FGD5: variants seen among roughly 807,000 people sequenced by gnomAD.
The protein encoded by FGD5 is FYVE, RhoGEF and PH domain containing 5, also known as FYVE, RhoGEF and PH domain-containing protein 5.
FGD5 carries 28 observed loss-of-function variants against 133.4 expected under a neutral mutation model. The ratio of observed to expected loss-of-function variants is 0.21; its 90% CI spans 0.16 to 0.29. The LOEUF (loss-of-function observed/expected upper bound fraction) is 0.29, where lower values mean the gene tolerates loss of function less well. FGD5 is among the 10% of genes least tolerant of loss of function. The probability of loss-of-function intolerance (pLI) is 1.00; values close to 1 mark genes in which losing one functional copy is unlikely to be tolerated. For missense variants in FGD5, 1,858 were observed against 1,895.2 expected (o/e 0.98, Z 0.36); for synonymous variants, 810 against 776.5 (o/e 1.04, Z -0.72).
intron 1 of FGD5, among the ~76,000 whole-genome samples, chr3:14,859,744 G>C (rs1033973874): frequency 2.6e-5 from 4 of 152,128 alleles, no homozygotes; most frequent in African/African-American, 9.7e-5. Context: ...TTGATCAACA[G>C]TAAAAGCACA....
At chr3:14,874,474 CAG>C (rs755487588) in intron 2 of FGD5, among the ~76,000 whole-genome samples, 38 of 152,262 alleles carry the variant, frequency 2.5e-4, no homozygotes, top group Admixed American at 9.2e-4. Flanking sequence ...GCCTGGGTGA[CAG>C]AATGAGATCC....
chr3:14,932,081 C>T (rs2038908316), intron 18 of FGD5: 2 of 152,430 alleles, frequency 1.3e-5, no homozygotes, highest in African/African-American at 4.8e-5. Context: ...ACATACGTCA[C>T]ATATGTTGAG....
Position 14,898,745 on chromosome 3 carries a change from G to A in FGD5, c.3073G>A (p.Val1025Ile), listed in dbSNP as rs928223851. 1 of 1,581,844 alleles carries A rather than the reference G, an allele frequency of 6.3e-7. No homozygotes were observed. Among genetic ancestry groups the A allele is most frequent in the Non-Finnish European group, 8.6e-7 (1 of 1,164,338 alleles). The part of the protein sequence containing the change: ...AAAVREFEQS[V>I]QGGSQTAKHR... ...TTCCCTGTCTTGAGAGCAGCAGAGTGTACAAGGAGGCAGCCAGACTGCGAA... is the reference window on the plus strand; with the variant it reads ...TTCCCTGTCTTGAGAGCAGCAGAGTATACAAGGAGGCAGCCAGACTGCGAA... Residue 1025 changes from valine to isoleucine, a missense_variant, in exon 7 of 20, where the codon GTA becomes ATA. Physicochemically the swap from Val to Ile is conservative, Grantham distance 29. Coordinates refer to ENST00000285046, the MANE Select transcript of FGD5 (RefSeq NM_152536.4).
intron 4 of FGD5, among the ~76,000 whole-genome samples, chr3:14,890,979 A>C (rs1024120466): frequency 6.6e-6 from 1 of 152,224 alleles, no homozygotes; most frequent in Non-Finnish European, 1.5e-5. Flanking sequence ...CAGCTTGCCC[A>C]GTCGTCCAAT....
At position 14,898,753 on chromosome 3, in the gene FGD5, A is replaced by G; in HGVS notation, c.3081A>G (p.Gly1027=). The G allele has an allele frequency of 6.3e-7, 1 of 1,584,604 alleles. No homozygotes were observed. The highest frequency in any genetic ancestry group is 2.3e-5 in the East Asian group (1 of 43,178). Residue 1027 remains glycine, a synonymous_variant, in exon 7 of 20, where the codon GGA becomes GGG. Coordinates refer to ENST00000285046, the MANE Select transcript of FGD5 (RefSeq NM_152536.4). ...CTTGAGAGCAGCAGAGTGTACAAGG[A>G]GGCAGCCAGACTGCGAAGCATCGGC... ...AVREFEQSVQ[G]GSQTAKHRLL... is the part of the protein sequence containing the mutation.
At chr3:14,918,894 G>C (rs1345445539) in intron 13 of FGD5, 61 bp downstream of exon 13, 3 of 1,560,844 alleles carry the variant, frequency 1.9e-6, no homozygotes, top group Non-Finnish European at 2.6e-6. Context: ...GGAAGGTTCA[G>C]AACAACAGAT....
chr3:14,872,797 A>T (rs771129604), intron 2 of FGD5, among the ~76,000 whole-genome samples: 12 of 152,344 alleles, frequency 7.9e-5, no homozygotes, highest in South Asian at 4.2e-4. Flanking sequence ...AAAGTCATAG[A>T]AATCAGTCTC....
intron 11 of FGD5, 71 bp downstream of exon 11, chr3:14,911,000 A>G: frequency 6.9e-7 from 1 of 1,443,270 alleles, no homozygotes; most frequent in Non-Finnish European, 9.6e-7. Flanking sequence ...GCCATTATTC[A>G]AGGACAAGTG....
chr3:14,863,671 T>C (rs1450305367), intron 1 of FGD5, among the ~76,000 whole-genome samples: 10 of 152,332 alleles, frequency 6.6e-5, no homozygotes, highest in Non-Finnish European at 8.8e-5. Flanking sequence ...GTCTGCAATC[T>C]AGCCGATGGC....
intron 11 of FGD5, among the ~76,000 whole-genome samples, chr3:14,913,631 C>T (rs1024762915): frequency 6.6e-6 from 1 of 152,180 alleles, no homozygotes; most frequent in Non-Finnish European, 1.5e-5. Flanking sequence ...TCTGTCTTGG[C>T]CCCTCAGCCA....
rs1219175637 is a variant in FGD5, at chr3:14,922,736, A to G, written c.3807+188A>G. ...TATAGATCATCAAACCAGAGCTCCA[A>G]GTCCCAGGCCTCTTCCACACCACCA... On this transcript the variant is annotated intron_variant, in intron 15 of 19. Coordinates refer to ENST00000285046, the MANE Select transcript of FGD5 (RefSeq NM_152536.4). The surrounding 1 kb of genome is among the most constrained non-coding windows in gnomAD (Gnocchi z 4.1). Among the ~76,000 whole-genome samples the G allele has an allele frequency of 6.6e-6, 1 of 152,234 alleles. No individual in the cohort carries two copies. Among genetic ancestry groups the G allele is most frequent in the Non-Finnish European group, 1.5e-5 (1 of 68,044 alleles).
chr3:14,905,987 C>T (rs909976976), intron 9 of FGD5, among the ~76,000 whole-genome samples: 2 of 152,050 alleles, frequency 1.3e-5, no homozygotes, highest in Admixed American at 6.5e-5. Flanking sequence ...TCAGTCCAGT[C>T]GGCACCTGAT....
At chr3:14,868,281 C>A (rs1486221513) in intron 2 of FGD5, among the ~76,000 whole-genome samples, 3 of 152,066 alleles carry the variant, frequency 2.0e-5, no homozygotes, top group East Asian at 1.9e-4. Flanking sequence ...CCCCCTCCCC[C>A]ACCTGAGTCT....
intron 2 of FGD5, among the ~76,000 whole-genome samples, chr3:14,874,212 C>T (rs1195928455): frequency 6.6e-6 from 1 of 152,202 alleles, no homozygotes; most frequent in Non-Finnish European, 1.5e-5. Context: ...CATGAGTGCA[C>T]TTACATGAGG....
intron 1 of FGD5, among the ~76,000 whole-genome samples, chr3:14,841,884 C>T (rs1019253345): frequency 6.6e-6 from 1 of 152,170 alleles, no homozygotes; most frequent in South Asian, 2.1e-4. Context: ...AGGGTCCAGG[C>T]CCTGGCCCTC....
chr3:14,902,534 G>C (rs545311550), intron 9 of FGD5, among the ~76,000 whole-genome samples: 1 of 152,124 alleles, frequency 6.6e-6, no homozygotes, highest in Non-Finnish European at 1.5e-5. Context: ...TAGACTGAGA[G>C]TGGAGGCTGA....
chr3:14,811,572 C>T (rs2036295394), intron 1 of FGD5, among the ~76,000 whole-genome samples: 1 of 152,198 alleles, frequency 6.6e-6, no homozygotes, highest in Admixed American at 6.5e-5. Context: ...GGTTCCCCCA[C>T]CCCCAGTCCA....
At chr3:14,870,138 GGAGCCCGAA>G in intron 2 of FGD5, among the ~76,000 whole-genome samples, 1 of 13,706 alleles carries the variant, frequency 7.3e-5, no homozygotes, top group Admixed American at 6.2e-4. Flanking sequence ...ATGGCATGAG[GGAGCCCGAA>G]TGGCATGAGG....
At chr3:14,897,873 T>A (rs2038166532) in intron 5 of FGD5, 66 bp from the exon 6 acceptor site, 1 of 1,593,108 alleles carries the variant, frequency 6.3e-7, no homozygotes, top group South Asian at 1.1e-5. Flanking sequence ...CCAGGCCCCC[T>A]GCTTCTAACC....
Sources: gnomAD v4.1 joint callset for allele counts (sites outside exome capture counted in the v4.1 genomes callset) on GRCh38, gnomAD v4.1.1 for gene constraint, Gnocchi (gnomAD v3.1) non-coding constraint, MANE v1.5 for transcripts, NCBI Gene and HGNC (gene_info 2026-07-23, HGNC 2026-07-21) for gene names.